DGKB: variants seen among roughly 807,000 people sequenced by gnomAD.
The protein encoded by DGKB is diacylglycerol kinase beta, also known as 90 kDa diacylglycerol kinase.
A neutral mutation model predicts 114.3 loss-of-function variants in DGKB; 67 were observed. The ratio of observed to expected loss-of-function variants is 0.59; its 90% CI spans 0.48 to 0.72. DGKB has a LOEUF of 0.72. Among genes scored for constraint, DGKB ranks in the 30% least tolerant of loss-of-function variants. The probability of loss-of-function intolerance (pLI) is 0.00; values close to 1 mark genes in which losing one functional copy is unlikely to be tolerated. For missense variants in DGKB, 907 were observed against 975.2 expected, an observed-to-expected ratio of 0.93 and a Z score of 0.93; for synonymous variants, 398 against 323.1, an observed-to-expected ratio of 1.23 and a Z score of -2.49.
chr7:14,675,227 G>T (rs1312047685), intron 12 of DGKB, among the ~76,000 whole-genome samples: 7 of 152,024 alleles, frequency 4.6e-5, no homozygotes, highest in Admixed American at 4.6e-4. Flanking sequence ...AAGGCCACAG[G>T]GGCAGGACAT....
At position 14,531,920 on chromosome 7, in the gene DGKB, GA is replaced by G. The variant is rs1321585869; in HGVS notation, c.1770+42291del. 2.0e-5 allele frequency among the ~76,000 whole-genome samples: 3 copies of G among 150,228 alleles called. No individual in the cohort carries two copies. The East Asian group carries it at 5.8e-4, about 29-fold the overall frequency. ...GAAGGGCATCAAACAATTCAATAGA[GA>G]AAATAATAGAACTTTTATCATGCTA... On this transcript the variant is annotated intron_variant, in intron 20 of 25. Transcript: ENST00000402815.
intron 21 of DGKB, among the ~76,000 whole-genome samples, chr7:14,381,904 C>G (rs2128683492): frequency 6.6e-6 from 1 of 152,222 alleles, no homozygotes; most frequent in African/African-American, 2.4e-5. Context: ...GGAATAGCAC[C>G]CAAACTCAGC....
chr7:14,584,393 T>G (rs374311126), intron 17 of DGKB, among the ~76,000 whole-genome samples: 39 of 152,256 alleles, frequency 2.6e-4, no homozygotes, highest in African/African-American at 9.1e-4. Context: ...ATTACATCAT[T>G]ATATCCCTCT....
chr7:14,396,274 T>C (rs996108024), intron 21 of DGKB, among the ~76,000 whole-genome samples: 3 of 152,102 alleles, frequency 2.0e-5, no homozygotes, highest in Non-Finnish European at 2.9e-5. Flanking sequence ...CAAGGTGAAA[T>C]AAAGTAGCAT....
chr7:14,414,799 C>T (rs1346980183), intron 21 of DGKB, among the ~76,000 whole-genome samples: 1 of 152,052 alleles, frequency 6.6e-6, no homozygotes, highest in Non-Finnish European at 1.5e-5. Flanking sequence ...TGACATTCTC[C>T]AGTCTTAGGG....
intron 2 of DGKB, among the ~76,000 whole-genome samples, chr7:14,824,893 C>T (rs1480587508): frequency 2.7e-5 from 4 of 149,960 alleles, no homozygotes; most frequent in Admixed American, 6.7e-5. Context: ...TTGACCAGTA[C>T]CAAGAAAAAT....
At chr7:14,174,940 C>T (rs1013253346) in intron 25 of DGKB, among the ~76,000 whole-genome samples, 2 of 152,148 alleles carry the variant, frequency 1.3e-5, no homozygotes, top group African/African-American at 4.8e-5. Flanking sequence ...ATTTAGTGTT[C>T]AGGCAGCTAA....
At chr7:14,237,070 T>C (rs904934593) in intron 23 of DGKB, among the ~76,000 whole-genome samples, 1 of 152,038 alleles carries the variant, frequency 6.6e-6, no homozygotes, top group Non-Finnish European at 1.5e-5. Context: ...GCTCTTCCTG[T>C]AAATGAGGTT....
intron 9 of DGKB, among the ~76,000 whole-genome samples, chr7:14,687,705 GA>G (rs1821961637): frequency 6.6e-6 from 1 of 152,016 alleles, no homozygotes; most frequent in Non-Finnish European, 1.5e-5. Context: ...AAATAAAAAG[GA>G]CAAAAAGCTA....
At chr7:14,412,942 T>C (rs534584869) in intron 21 of DGKB, among the ~76,000 whole-genome samples, 1 of 150,758 alleles carries the variant, frequency 6.6e-6, no homozygotes, top group Admixed American at 6.6e-5. Flanking sequence ...GATCATGCCA[T>C]TGCACTGCAG....
chr7:14,209,308 A>G (rs535733425), intron 23 of DGKB: 19 of 272,554 alleles, frequency 7.0e-5, no homozygotes, highest in African/African-American at 4.2e-4. Flanking sequence ...AAAATTAAGT[A>G]GCATTGAAAT....
At chr7:14,692,144 TA>T (rs1297724246) in intron 9 of DGKB, among the ~76,000 whole-genome samples, 2 of 151,788 alleles carry the variant, frequency 1.3e-5, no homozygotes, top group Non-Finnish European at 2.9e-5. Context: ...ATTTATAAAT[TA>T]AATAATAAAT....
At chr7:14,832,912 T>C (rs1212035113) in intron 2 of DGKB, among the ~76,000 whole-genome samples, 2 of 152,142 alleles carry the variant, frequency 1.3e-5, no homozygotes, top group Non-Finnish European at 2.9e-5. Flanking sequence ...AAGTATCGAA[T>C]TTATATCTCA....
intron 4 of DGKB, among the ~76,000 whole-genome samples, chr7:14,740,369 A>T (rs972211306): frequency 2.1e-4 from 32 of 151,942 alleles, no homozygotes; most frequent in African/African-American, 7.0e-4. Flanking sequence ...CAGCCCTGTG[A>T]GTACAGGGGG....
At chr7:14,914,658 GCA>G (rs1261895620) in intron 1 of DGKB, among the ~76,000 whole-genome samples, 71 of 152,076 alleles carry the variant, frequency 4.7e-4, no homozygotes, top group Non-Finnish European at 7.5e-4. Context: ...GACAAAGCAA[GCA>G]TCAGAACTAG....
At chr7:14,912,039 C>T (rs549155184) in intron 1 of DGKB, among the ~76,000 whole-genome samples, 9 of 152,144 alleles carry the variant, frequency 5.9e-5, no homozygotes, top group Non-Finnish European at 8.8e-5. Context: ...CAGTGTCCTG[C>T]GCCCTTCTTC....
rs143396994 is a variant in DGKB at position 14,447,388 on chromosome 7, G to A, written c.1835+30773C>T. 6.3e-3 allele frequency among the ~76,000 whole-genome samples: 963 copies of A among 152,134 alleles called. 2 individuals carry two copies. The highest frequency in any genetic ancestry group is 0.01 in the Non-Finnish European group (694 of 67,982). On this transcript the variant is annotated intron_variant, in intron 21 of 25. Coordinates refer to ENST00000402815, the MANE Select transcript of DGKB (RefSeq NM_001350709.2). ...ATAACTTGGACCTCACTAAACTAAA[G>A]AATAAGGAGACAGCAACAATAGCTT... is the stretch of plus-strand genomic sequence containing the variant.
intron 20 of DGKB, among the ~76,000 whole-genome samples, chr7:14,567,224 A>T (rs28727910): frequency 6.3e-5 from 4 of 63,636 alleles, no homozygotes; most frequent in South Asian, 3.9e-4. Flanking sequence ...TTTATATATA[A>T]TATATATAAT....
intron 4 of DGKB, among the ~76,000 whole-genome samples, chr7:14,748,539 AGGAGCAGGAAATT>A (rs947002056): frequency 1.3e-5 from 2 of 152,164 alleles, no homozygotes; most frequent in African/African-American, 4.8e-5. Context: ...GCCAGTGAGG[AGGAGCAGGAAATT>A]GGAGCAGGAG....
Sources: allele counts gnomAD v4.1 joint callset (sites outside exome capture counted in the v4.1 genomes callset), GRCh38; gene constraint gnomAD v4.1.1; transcripts MANE v1.5; gene names NCBI Gene and HGNC (gene_info 2026-07-23, HGNC 2026-07-21).